Variants in PRRC2B observed in about 807,000 individuals in gnomAD.
PRRC2B encodes proline rich coiled-coil 2B, also known as protein PRRC2B.
Under a neutral mutation model 242.3 loss-of-function variants are expected in PRRC2B, and 68 were observed. The ratio of observed to expected loss-of-function variants is 0.28; its 90% CI spans 0.23 to 0.34. PRRC2B has a LOEUF of 0.34. Among genes scored for constraint, PRRC2B ranks in the 10% least tolerant of loss-of-function variants. PRRC2B has a pLI of 1.00. For synonymous variants in PRRC2B, 1,228 were observed against 1,173.6 expected (o/e 1.05, Z -0.95); for missense variants, 2,835 against 2,954.8 (o/e 0.96, Z 0.94).
At chr9:131,493,937 T>G (rs1944262885) in intron 30 of PRRC2B, among the ~76,000 whole-genome samples, 1 of 152,138 alleles carries the variant, frequency 6.6e-6, no homozygotes, top group Non-Finnish European at 1.5e-5. Context: ...TGGAACACAT[T>G]TAGAAGCATG....
intron 31 of PRRC2B, 75 bp from the exon 32 acceptor site, chr9:131,495,665 G>T: frequency 6.6e-7 from 1 of 1,513,460 alleles, no homozygotes; most frequent in South Asian, 1.2e-5. Context: ...AGCAGGAAGG[G>T]AGTGGTGGGA....
rs942839072 is a variant in PRRC2B, at chr9:131,487,625, T to C, written c.5985-231T>C. On this transcript the variant is annotated intron_variant, in intron 27 of 31. Transcript: ENST00000683519. The surrounding 1 kb of genome is among the most constrained non-coding windows in gnomAD (Gnocchi z 5.3). ...CAGTGTGGCTGCCAGTCATTGTGGC[T>C]GATGTCCTGTGCCTCGTACAGCCTG... is the stretch of plus-strand genomic sequence containing the variant. Among the ~76,000 whole-genome samples the C allele has an allele frequency of 1.3e-5, 2 of 152,174 alleles. No individual in the cohort carries two copies. The highest frequency in any genetic ancestry group is 4.8e-5 in the African/African-American group (2 of 41,432).
Position 131,488,498 on chromosome 9 carries a change from G to A in PRRC2B, c.6225+402G>A, listed in dbSNP as rs115512110. The stretch of plus-strand genomic sequence containing the variant: ...CTGGTCTCGAACCCCTGACCTCAAA[G>A]TGATCTGCCCGCCTTGGCCTCCCAA... On this transcript the variant is annotated intron_variant, in intron 28 of 31. Coordinates refer to ENST00000683519, the MANE Select transcript of PRRC2B (RefSeq NM_013318.4). 9.5e-3 allele frequency among the ~76,000 whole-genome samples: 1,446 copies of A among 152,248 alleles called. 29 individuals are homozygous for A. Among genetic ancestry groups the A allele is most frequent in the African/African-American group, 0.033 (1,368 of 41,552 alleles).
At chr9:131,469,295 C>A (rs1056992879) in intron 13 of PRRC2B, among the ~76,000 whole-genome samples, 7 of 152,170 alleles carry the variant, frequency 4.6e-5, no homozygotes, top group African/African-American at 7.2e-5. Context: ...GGTCGCACCA[C>A]TGCCTTCCAG....
chr9:131,420,508 T>TCTTTCCTTCC (rs1837807733), intron 1 of PRRC2B, among the ~76,000 whole-genome samples: 2 of 129,504 alleles, frequency 1.5e-5, no homozygotes, highest in African/African-American at 2.9e-5. Flanking sequence ...TTTTTTTTTT[T>TCTTTCCTTCC]TTGAGATGGA....
chr9:131,409,888 A>T (rs927061454), intron 1 of PRRC2B, among the ~76,000 whole-genome samples: 3 of 152,254 alleles, frequency 2.0e-5, no homozygotes, highest in Non-Finnish European at 4.4e-5. Context: ...ATCAGATTGT[A>T]CAATAAAGAA....
chr9:131,487,409 G>A lies in PRRC2B; in HGVS notation c.5984+115G>A, dbSNP rs1457942972. The A allele has an allele frequency of 2.3e-5, 19 of 816,054 alleles. No individual in the cohort carries two copies. In the East Asian group the frequency reaches 5.3e-4, roughly 23 times the overall value. 50.6% of individuals were successfully genotyped at this position (816,054 alleles called of 1,614,324 possible). A position where few individuals can be genotyped will look rare whatever the true frequency, so the allele number is the denominator to read the frequency against. On this transcript the variant is annotated intron_variant, in intron 27 of 31. Transcript: ENST00000683519. The surrounding 1 kb of genome is among the most constrained non-coding windows in gnomAD (Gnocchi z 5.3). ...TTGTCTGCTTTGGGGCCAGTGGGGC[G>A]GGGAGGGGTGGGAGTTTGCTCTGAA...
intron 1 of PRRC2B, among the ~76,000 whole-genome samples, chr9:131,428,095 T>C (rs892687981): frequency 3.3e-5 from 5 of 151,970 alleles, no homozygotes; most frequent in Non-Finnish European, 5.9e-5. Context: ...CTAATTTTTG[T>C]ATTTTTAGTA....
At position 131,474,730 on chromosome 9, in the gene PRRC2B, G is replaced by A. The variant is rs148672611; in HGVS notation, c.2601G>A (p.Glu867=). 1.6e-3 allele frequency: 2,659 copies of A among 1,612,458 alleles called. 41 individuals are homozygous for A. In the African/African-American group the frequency reaches 0.032, roughly 19 times the overall value. ...TTGTCCCAGATGAGAAAAAGCCAGA[G>A]TGTGGCAGTTGGGATGTTAGCCACC... The part of the protein sequence containing the change: ...PDFVPDEKKP[E]CGSWDVSHQP... The change falls in exon 16 of 32, where the codon GAG becomes GAA. Residue 867 remains glutamate (E), a synonymous_variant. Coordinates refer to ENST00000683519, the MANE Select transcript of PRRC2B (RefSeq NM_013318.4).
Position 131,447,192 on chromosome 9 carries a change from G to A in PRRC2B, c.963G>A (p.Met321Ile), listed in dbSNP as rs1321395933. The A allele has an allele frequency of 4.3e-6, 7 of 1,614,018 alleles. No individual in the cohort carries two copies. The highest frequency in any genetic ancestry group is 1.1e-5 in the South Asian group (1 of 91,082). Reference sequence around the variant, plus strand: ...GAGTTCCTTTTAGACAGTTCCAGATGAATGACCAAGACGGGTGAGTCCATT... The same window carrying A: ...GAGTTCCTTTTAGACAGTTCCAGATAAATGACCAAGACGGGTGAGTCCATT... ...EPRVPFRQFQ[M>I]NDQDGKENRL... The change falls in exon 8 of 32, where the codon ATG (methionine) becomes ATA (isoleucine). Residue 321 changes from methionine to isoleucine, a missense_variant. By Grantham distance (10) the Met-to-Ile change is conservative. Around this residue, in one of 7 missense-constraint regions of PRRC2B, gnomAD observed 626 missense variants for 685.5 expected, o/e 0.91. Coordinates refer to ENST00000683519, the MANE Select transcript of PRRC2B (RefSeq NM_013318.4).
rs538499509 is a variant in PRRC2B at position 131,469,767 on chromosome 9, G to GA, written c.1912-1019dup. On this transcript the variant is annotated intron_variant, in intron 13 of 31. Transcript: ENST00000683519. ...GATGGGATAGAGCAGGGTCTGAAAT[G>GA]AACCCTCCTGAGTCAGGCAAGGGCC... 2.0e-3 allele frequency among the ~76,000 whole-genome samples: 298 copies of GA among 152,356 alleles called. 1 individual carries two copies. The highest frequency in any genetic ancestry group is 6.8e-3 in the African/African-American group (284 of 41,584).
intron 25 of PRRC2B, chr9:131,485,829 C>T: frequency 1.4e-6 from 1 of 720,680 alleles, no homozygotes; most frequent in Non-Finnish European, 2.6e-6. Flanking sequence ...GAAGGGTAGG[C>T]CAGAGCCCAC....
chr9:131,479,285 A>G lies in PRRC2B; in HGVS notation c.4792A>G (p.Ile1598Val). 1 of 1,608,694 alleles carries G rather than the reference A, an allele frequency of 6.2e-7. No individual in the cohort carries two copies. Among genetic ancestry groups the G allele is most frequent in the South Asian group, 1.1e-5 (1 of 90,932 alleles). Residue 1598 changes from isoleucine (I) to valine (V), a missense_variant, in exon 19 of 32, where the codon ATT becomes GTT. Physicochemically the swap from Ile to Val is conservative, Grantham distance 29. Coordinates refer to ENST00000683519, the MANE Select transcript of PRRC2B (RefSeq NM_013318.4). The part of the protein sequence containing the change: ...PVKGRGLSSR[I>V]PPRFAKKQNN... ...CAAAGGTCGAGGCCTTTCCTCCCGT[A>G]TTCCTCCTCGATTTGCAAAAAAGCA...
intron 1 of PRRC2B, among the ~76,000 whole-genome samples, chr9:131,428,966 T>G (rs1306265777): frequency 2.6e-5 from 4 of 152,112 alleles, no homozygotes; most frequent in African/African-American, 9.7e-5. Context: ...TTTGTTGTGT[T>G]TTTTTTTAAG....
chr9:131,396,412 G>A (rs1348917202), intron 1 of PRRC2B, among the ~76,000 whole-genome samples: 1 of 144,578 alleles, frequency 6.9e-6, no homozygotes, highest in Non-Finnish European at 1.5e-5. Context: ...TGCAACCTCC[G>A]CCTCCTGGGT....
rs1944410371 is a variant in PRRC2B, at chr9:131,499,396, G to C, written c.*3522G>C. 6.6e-6 allele frequency: 1 copy of C among 152,246 alleles called. No homozygotes were observed. The highest frequency in any genetic ancestry group is 1.5e-5 in the Non-Finnish European group (1 of 68,060). 9.4% of individuals were successfully genotyped at this position (152,246 alleles called of 1,614,324 possible). A position where few individuals can be genotyped will look rare whatever the true frequency, so the allele number is the denominator to read the frequency against. On this transcript the variant is annotated 3_prime_UTR_variant, in exon 32 of 32. Transcript: ENST00000683519. ...CATTTGTCCCTTTTCACTTCCTGCAGAACAAGCCTGGGTTAGAGGGTCTGC... is the reference window on the plus strand; with the variant it reads ...CATTTGTCCCTTTTCACTTCCTGCACAACAAGCCTGGGTTAGAGGGTCTGC...
intron 1 of PRRC2B, among the ~76,000 whole-genome samples, chr9:131,414,543 T>A (rs953000475): frequency 6.6e-6 from 1 of 150,454 alleles, no homozygotes; most frequent in African/African-American, 2.4e-5. Context: ...CTGTTGCCCC[T>A]CTGGCCCATG....
intron 1 of PRRC2B, among the ~76,000 whole-genome samples, chr9:131,377,120 ATT>A (rs11285924): frequency 9.4e-5 from 14 of 149,276 alleles, no homozygotes; most frequent in East Asian, 5.9e-4. Context: ...TGTACAATTA[ATT>A]TTTTTTTTTT....
Position 131,479,299 on chromosome 9 carries a change from T to G in PRRC2B, c.4806T>G (p.Phe1602Leu). 1 of 1,613,870 alleles carries G rather than the reference T, an allele frequency of 6.2e-7. No homozygotes were observed. The highest frequency in any genetic ancestry group is 8.5e-7 in the Non-Finnish European group (1 of 1,179,836). ...TTTCCTCCCGTATTCCTCCTCGATT[T>G]GCAAAAAAGCAGAACAACTTATGTC... The part of the protein sequence containing the change: ...RGLSSRIPPR[F>L]AKKQNNLCLE... Residue 1602 changes from phenylalanine (F) to leucine (L), a missense_variant, in exon 19 of 32, where the codon TTT (phenylalanine) becomes TTG (leucine). Coordinates refer to ENST00000683519, the MANE Select transcript of PRRC2B (RefSeq NM_013318.4).
Sources: allele counts gnomAD v4.1 joint callset (sites outside exome capture counted in the v4.1 genomes callset), GRCh38; gene constraint gnomAD v4.1.1; regional missense constraint gnomAD v4.1.1; non-coding constraint Gnocchi (gnomAD v3.1); transcripts MANE v1.5; gene names NCBI Gene and HGNC (gene_info 2026-07-23, HGNC 2026-07-21).